Variants in EYS observed in about 807,000 individuals in gnomAD.
EYS encodes protein eyes shut homolog.
A neutral mutation model predicts 282.1 loss-of-function variants in EYS; 250 were observed. The ratio of observed to expected loss-of-function variants is 0.89; its 90% CI spans 0.80 to 0.98. The LOEUF is 0.98. EYS is among the 50% of genes least tolerant of loss of function. The probability of loss-of-function intolerance (pLI) is 0.00; values close to 1 mark genes in which losing one functional copy is unlikely to be tolerated. For missense variants in EYS, 4,016 were observed against 3,709.0 expected, an observed-to-expected ratio of 1.08 and a Z score of -2.15; for synonymous variants, 1,355 against 1,282.9, an observed-to-expected ratio of 1.06 and a Z score of -1.20.
At chr6:64,218,404 A>G (rs993469853) in intron 31 of EYS, among the ~76,000 whole-genome samples, 14 of 152,170 alleles carry the variant, frequency 9.2e-5, no homozygotes, top group Admixed American at 1.3e-4. Flanking sequence ...ATCAAGAAGG[A>G]CAGAACCTCT....
intron 15 of EYS, among the ~76,000 whole-genome samples, chr6:64,923,898 G>A (rs893920549): frequency 3.6e-4 from 45 of 124,316 alleles, no homozygotes; most frequent in Non-Finnish European, 6.8e-4. Context: ...TGCTTTCACA[G>A]GCTGGCATTG....
Position 64,483,080 on chromosome 6 carries a change from AT to A in EYS, c.5645-43729del, listed in dbSNP as rs925067377. On this transcript the variant is annotated intron_variant, in intron 26 of 42. Transcript: ENST00000503581. ...CCTGTGTCTAGGACAGAGAATAACA[AT>A]TTTTTTTTCTGCAAAGGGCCAGATA... Among the ~76,000 whole-genome samples, 12 of 151,018 alleles carry A rather than the reference AT, an allele frequency of 7.9e-5. No individual in the cohort carries two copies. In the South Asian group the frequency reaches 8.3e-4, roughly 10 times the overall value.
In EYS at chr6:64,928,028, G is replaced by A. The variant is rs1036348728; in HGVS notation, c.2382-15285C>T. Among the ~76,000 whole-genome samples the A allele has an allele frequency of 2.8e-4, 42 of 152,050 alleles. 1 individual carries two copies. Among genetic ancestry groups the A allele is most frequent in the African/African-American group, 9.9e-4 (41 of 41,420 alleles). On this transcript the variant is annotated intron_variant, in intron 15 of 42. Coordinates refer to ENST00000503581, the MANE Select transcript of EYS (RefSeq NM_001142800.2). ...GGATAAGTTCTATATTTTGGGTTCA[G>A]TGGTAGTTACACAAGTAAGTGCAAT...
rs535550709 is a variant in EYS at position 64,405,248 on chromosome 6, G to T, written c.5928-16408C>A. Among the ~76,000 whole-genome samples the T allele has an allele frequency of 4.1e-4, 63 of 152,144 alleles. 1 individual carries two copies. In the South Asian group the frequency reaches 0.013, roughly 31 times the overall value. On this transcript the variant is annotated intron_variant, in intron 28 of 42. Transcript: ENST00000503581. ...ATCTTAATTAACCCATCCTTTCATT[G>T]TCAAATAGGAGACTTGGGAAATTAG...
chr6:63,962,912 T>C (rs1160575096), intron 35 of EYS, among the ~76,000 whole-genome samples: 3 of 152,104 alleles, frequency 2.0e-5, no homozygotes, highest in Admixed American at 6.6e-5. Flanking sequence ...ATATACACCA[T>C]GGAATACTTT....
intron 31 of EYS, among the ~76,000 whole-genome samples, chr6:64,117,865 T>C (rs1318271600): frequency 6.6e-6 from 1 of 152,008 alleles, no homozygotes; most frequent in African/African-American, 2.4e-5. Context: ...AGTTTTGGGA[T>C]ACACAATCAA....
intron 26 of EYS, among the ~76,000 whole-genome samples, chr6:64,555,200 G>A (rs1436626130): frequency 6.6e-6 from 1 of 151,608 alleles, no homozygotes. Context: ...TATAAAGAAG[G>A]GAAATCCTAT....
At chr6:65,149,130 T>G (rs1188183772) in intron 12 of EYS, among the ~76,000 whole-genome samples, 1 of 152,160 alleles carries the variant, frequency 6.6e-6, no homozygotes, top group African/African-American at 2.4e-5. Flanking sequence ...CTGTTTTACA[T>G]ATGCAAATTT....
chr6:64,992,873 A>G (rs960244437), intron 14 of EYS, among the ~76,000 whole-genome samples: 2 of 152,140 alleles, frequency 1.3e-5, no homozygotes, highest in South Asian at 4.1e-4. Flanking sequence ...GAGAAAGAAG[A>G]GAACCTAGAG....
At chr6:64,896,854 G>C (rs867702825) in intron 18 of EYS, among the ~76,000 whole-genome samples, 12 of 151,986 alleles carry the variant, frequency 7.9e-5, no homozygotes, top group South Asian at 6.3e-4. Context: ...ACTGGTGGAG[G>C]GGGGGGCCAC....
intron 29 of EYS, among the ~76,000 whole-genome samples, chr6:64,385,152 G>C (rs982446313): frequency 6.6e-6 from 1 of 152,116 alleles, no homozygotes; most frequent in African/African-American, 2.4e-5. Flanking sequence ...ATTCAGAGGA[G>C]CTGCATTGCC....
In EYS at chr6:64,735,213, G is replaced by C. The variant is rs1021980531; in HGVS notation, c.3443+78165C>G. 3.9e-5 allele frequency among the ~76,000 whole-genome samples: 6 copies of C among 152,122 alleles called. No homozygotes were observed. The South Asian group carries it at 1.2e-3, about 32-fold the overall frequency. ...ATTCTCCTGCCTCAGCCTCCCGAGT[G>C]GCTGAGACTACAGGCGCCTGCCACC... On this transcript the variant is annotated intron_variant, in intron 22 of 42. Coordinates refer to ENST00000503581, the MANE Select transcript of EYS (RefSeq NM_001142800.2).
chr6:65,352,158 A>G (rs1764302723), intron 9 of EYS, among the ~76,000 whole-genome samples: 3 of 151,860 alleles, frequency 2.0e-5, no homozygotes, highest in African/African-American at 7.2e-5. Context: ...TTAACTCTAC[A>G]GTATACTATT....
intron 30 of EYS, among the ~76,000 whole-genome samples, chr6:64,303,714 G>A (rs7760920): frequency 0.75 from 113,469 of 150,592 alleles, 43,382 homozygotes; most frequent in African/African-American, 0.9. Context: ...GGTGGCGCGC[G>A]CCTGTAGTCC....
intron 35 of EYS, among the ~76,000 whole-genome samples, chr6:63,927,187 A>T (rs1271314865): frequency 6.6e-6 from 1 of 152,196 alleles, no homozygotes; most frequent in Admixed American, 6.5e-5. Flanking sequence ...AAAAGTAGGG[A>T]TATTACCATC....
intron 22 of EYS, among the ~76,000 whole-genome samples, chr6:64,805,221 C>T (rs940950188): frequency 3.3e-5 from 5 of 151,822 alleles, no homozygotes; most frequent in African/African-American, 1.2e-4. Context: ...CTACATATGG[C>T]AATAAAGTAA....
chr6:64,322,260 G>A (rs764617786), intron 29 of EYS, among the ~76,000 whole-genome samples: 3 of 151,926 alleles, frequency 2.0e-5, no homozygotes, highest in Non-Finnish European at 4.4e-5. Context: ...TAAACCTAGA[G>A]GGTTTACTTT....
chr6:64,531,958 T>A (rs1268093653), intron 26 of EYS, among the ~76,000 whole-genome samples: 1 of 152,094 alleles, frequency 6.6e-6, no homozygotes, highest in African/African-American at 2.4e-5. Context: ...CTTTATTGCA[T>A]CCATTGCTGC....
chr6:65,301,472 T>G (rs1404889124), intron 11 of EYS, among the ~76,000 whole-genome samples: 1 of 152,216 alleles, frequency 6.6e-6, no homozygotes, highest in African/African-American at 2.4e-5. Context: ...TCTTTGACGC[T>G]GGCAGTCTTG....
Sources: allele counts gnomAD v4.1 joint callset (sites outside exome capture counted in the v4.1 genomes callset), GRCh38; gene constraint gnomAD v4.1.1; transcripts MANE v1.5; gene names NCBI Gene and HGNC (gene_info 2026-07-23, HGNC 2026-07-21).